Variants in PTPRM observed in about 807,000 individuals in gnomAD.
PTPRM encodes protein tyrosine phosphatase receptor type M.
Under a neutral mutation model 186.7 loss-of-function variants are expected in PTPRM, and 47 were observed. The ratio of observed to expected loss-of-function variants is 0.25; its 90% confidence interval spans 0.20 to 0.32. The LOEUF (loss-of-function observed/expected upper bound fraction) is 0.32, where lower values mean the gene tolerates loss of function less well. Among genes scored for constraint, PTPRM ranks in the 10% least tolerant of loss-of-function variants. The pLI, the probability that PTPRM is intolerant of heterozygous loss-of-function variation, is 1.00. For synonymous variants in PTPRM, 668 were observed against 674.9 expected (o/e 0.99, Z 0.16); for missense variants, 1,494 against 1,865.0 (o/e 0.80, Z 3.66).
chr18:7,925,936 C>G (rs1201755943), intron 4 of PTPRM, among the ~76,000 whole-genome samples: 1 of 152,180 alleles, frequency 6.6e-6, no homozygotes, highest in Admixed American at 6.5e-5. Context: ...CAATGGTGTT[C>G]ACCATTTGGA....
intron 1 of PTPRM, among the ~76,000 whole-genome samples, chr18:7,766,263 A>T (rs984786586): frequency 2.0e-5 from 3 of 152,206 alleles, no homozygotes; most frequent in African/African-American, 7.2e-5. Flanking sequence ...TCAGGATCCA[A>T]TCAGGAGAGA....
intron 23 of PTPRM, among the ~76,000 whole-genome samples, chr18:8,357,606 C>T (rs1347774208): frequency 2.0e-5 from 3 of 152,076 alleles, no homozygotes; most frequent in Non-Finnish European, 4.4e-5. Context: ...ATGCATGCCC[C>T]GTTGTGTTCT....
rs2094725983 is a variant in PTPRM, at chr18:8,268,223, C to T, written c.2754+14809C>T. 3.3e-5 allele frequency among the ~76,000 whole-genome samples: 5 copies of T among 152,174 alleles called. No homozygotes were observed. In the South Asian group the frequency reaches 1.0e-3, roughly 32 times the overall value. ...TTCCTATCCATTAATATGGTTTATG[C>T]CTCCATTTGTTTGGATCTTCTTTAA... is the stretch of plus-strand genomic sequence containing the variant. On this transcript the variant is annotated intron_variant, in intron 19 of 32. Coordinates refer to ENST00000580170, the MANE Select transcript of PTPRM (RefSeq NM_001105244.2).
Position 7,960,272 on chromosome 18 carries a change from AT to A in PTPRM, c.1132+4859del, listed in dbSNP as rs556832279. Among the ~76,000 whole-genome samples the A allele has an allele frequency of 9.9e-5, 15 of 152,188 alleles. No homozygotes were observed. The East Asian group carries it at 2.9e-3, about 29-fold the overall frequency. On this transcript the variant is annotated intron_variant, in intron 7 of 32. Coordinates refer to ENST00000580170, the MANE Select transcript of PTPRM (RefSeq NM_001105244.2). ...AATTAAAATGTGTCCTTTAGCATTA[AT>A]ATACCTAAAAATATTTGAAACAATA...
At chr18:8,012,782 AC>A (rs2084619204) in intron 7 of PTPRM, among the ~76,000 whole-genome samples, 1 of 152,150 alleles carries the variant, frequency 6.6e-6, no homozygotes, top group Non-Finnish European at 1.5e-5. Context: ...TTTTGTGAAA[AC>A]CTGTCACTTT....
intron 2 of PTPRM, among the ~76,000 whole-genome samples, chr18:7,854,429 C>T (rs2046999236): frequency 6.6e-6 from 1 of 152,006 alleles, no homozygotes; most frequent in African/African-American, 2.4e-5. Flanking sequence ...AAAATCTTGA[C>T]AGGGATTGTC....
chr18:7,861,685 C>G (rs888061336), intron 2 of PTPRM, among the ~76,000 whole-genome samples: 1 of 151,842 alleles, frequency 6.6e-6, no homozygotes, highest in African/African-American at 2.4e-5. Flanking sequence ...CACAGGTCTT[C>G]CACCTTTTAC....
At chr18:7,685,376 CGA>C (rs1250481799) in intron 1 of PTPRM, among the ~76,000 whole-genome samples, 1 of 151,950 alleles carries the variant, frequency 6.6e-6, no homozygotes, top group Non-Finnish European at 1.5e-5. Flanking sequence ...CTTGATGCCC[CGA>C]AGGGTGTGAG....
At chr18:8,153,147 G>A (rs1273495264) in intron 14 of PTPRM, among the ~76,000 whole-genome samples, 2 of 152,168 alleles carry the variant, frequency 1.3e-5, no homozygotes, top group East Asian at 3.8e-4. Flanking sequence ...GCCCTTCCAT[G>A]CCTGGACATC....
At chr18:8,236,838 A>C (rs547700375) in intron 14 of PTPRM, among the ~76,000 whole-genome samples, 1 of 152,190 alleles carries the variant, frequency 6.6e-6, no homozygotes, top group African/African-American at 2.4e-5. Flanking sequence ...CACCTAGTGC[A>C]TAGCCTAACG....
chr18:7,871,794 C>T (rs909470997), intron 2 of PTPRM, among the ~76,000 whole-genome samples: 2 of 152,226 alleles, frequency 1.3e-5, no homozygotes, highest in African/African-American at 2.4e-5. Flanking sequence ...CACTGTCTTC[C>T]TGCCACACCT....
At chr18:8,302,423 C>T (rs1046903292) in intron 20 of PTPRM, among the ~76,000 whole-genome samples, 2 of 152,096 alleles carry the variant, frequency 1.3e-5, no homozygotes, top group Non-Finnish European at 2.9e-5. Flanking sequence ...GCCAGACCTA[C>T]AGAGCCTTCT....
At chr18:7,644,802 C>G (rs1245605386) in intron 1 of PTPRM, among the ~76,000 whole-genome samples, 1 of 152,114 alleles carries the variant, frequency 6.6e-6, no homozygotes, top group Non-Finnish European at 1.5e-5. Context: ...CACACCTATG[C>G]TCTGAAAAGA....
intron 2 of PTPRM, among the ~76,000 whole-genome samples, chr18:7,845,519 T>G (rs576195162): frequency 1.3e-5 from 2 of 152,326 alleles, no homozygotes; most frequent in South Asian, 4.2e-4. Flanking sequence ...TATGATCAAA[T>G]ATTTTACATT....
In PTPRM at chr18:7,739,002, GC is replaced by G. The variant is rs2040833312; in HGVS notation, c.74-35146del. 1.3e-5 allele frequency among the ~76,000 whole-genome samples: 2 copies of G among 151,782 alleles called. 1 individual carries two copies. Among genetic ancestry groups the G allele is most frequent in the African/African-American group, 4.8e-5 (2 of 41,262 alleles). On this transcript the variant is annotated intron_variant, in intron 1 of 32. Coordinates refer to ENST00000580170, the MANE Select transcript of PTPRM (RefSeq NM_001105244.2). ...GTTTGGCTTTGGGAAGTGCTTTGGA[GC>G]TTCTTCTTGGTCTAGCCACTGAGCT...
intron 7 of PTPRM, among the ~76,000 whole-genome samples, chr18:8,023,408 T>G (rs2085349959): frequency 6.6e-6 from 1 of 152,086 alleles, no homozygotes; most frequent in Admixed American, 6.6e-5. Context: ...ATAGGCTGAT[T>G]GGTTTCAAAA....
chr18:8,187,430 C>T (rs1004539349), intron 14 of PTPRM, among the ~76,000 whole-genome samples: 6 of 152,110 alleles, frequency 3.9e-5, no homozygotes, highest in Admixed American at 2.0e-4. Flanking sequence ...GTGGGCAAGG[C>T]GGTGGCAGAC....
At chr18:7,989,459 C>A (rs923607002) in intron 7 of PTPRM, among the ~76,000 whole-genome samples, 2 of 152,182 alleles carry the variant, frequency 1.3e-5, no homozygotes, top group African/African-American at 4.8e-5. Flanking sequence ...CCTCCTTGAG[C>A]AGGACGTGTA....
chr18:8,238,550 A>G (rs2147226360), intron 14 of PTPRM, among the ~76,000 whole-genome samples: 1 of 151,734 alleles, frequency 6.6e-6, no homozygotes, highest in South Asian at 2.1e-4. Flanking sequence ...ATAGCATACT[A>G]ATCGTGGTTG....
Sources: allele counts gnomAD v4.1 joint callset (sites outside exome capture counted in the v4.1 genomes callset), GRCh38; gene constraint gnomAD v4.1.1; transcripts MANE v1.5; gene names NCBI Gene and HGNC (gene_info 2026-07-23, HGNC 2026-07-21).